CLASP2: variants seen among roughly 807,000 people sequenced by gnomAD.
CLASP2 encodes CLIP-associating protein 2.
Under a neutral mutation model 194.4 loss-of-function variants are expected in CLASP2, and 47 were observed. The ratio of observed to expected loss-of-function variants is 0.24; its 90% CI spans 0.19 to 0.31. The LOEUF (loss-of-function observed/expected upper bound fraction) is 0.31. CLASP2 is among the 10% of genes least tolerant of loss of function. The probability of loss-of-function intolerance (pLI) is 1.00; values close to 1 mark genes in which losing one functional copy is unlikely to be tolerated. For synonymous variants in CLASP2, 619 were observed against 633.5 expected (o/e 0.98, Z 0.34); for missense variants, 1,445 against 1,823.6 (o/e 0.79, Z 3.78).
intron 1 of CLASP2, among the ~76,000 whole-genome samples, chr3:33,716,559 T>C (rs2093311117): frequency 6.6e-6 from 1 of 152,250 alleles, no homozygotes; most frequent in South Asian, 2.1e-4. Context: ...GTCTATGCTG[T>C]AGCATAAAAT....
intron 33 of CLASP2, among the ~76,000 whole-genome samples, chr3:33,537,859 G>A (rs2057652651): frequency 6.6e-6 from 1 of 152,126 alleles, no homozygotes; most frequent in African/African-American, 2.4e-5. Flanking sequence ...GACTCAATGT[G>A]GGTCGGGCGC....
chr3:33,640,913 T>A (rs573818618), intron 8 of CLASP2, among the ~76,000 whole-genome samples: 1 of 152,102 alleles, frequency 6.6e-6, no homozygotes, highest in Admixed American at 6.5e-5. Context: ...GATTTATGGA[T>A]GCCGAAAATT....
intron 7 of CLASP2, chr3:33,645,580 T>C (rs2082133985): frequency 2.4e-6 from 1 of 421,804 alleles, no homozygotes; most frequent in Admixed American, 4.0e-5. Flanking sequence ...TAAAAAATTC[T>C]CTATTAGCTA....
At chr3:33,518,703 A>C (rs909163381) in intron 34 of CLASP2, among the ~76,000 whole-genome samples, 1 of 152,222 alleles carries the variant, frequency 6.6e-6, no homozygotes, top group Admixed American at 6.5e-5. Flanking sequence ...TCACAAGAAA[A>C]TGCTTTTCAC....
In CLASP2 at chr3:33,578,049, A is replaced by G. The variant is rs79006452; in HGVS notation, c.2348-1774T>C. ...GAAGCTAAAGCCTAGAGAGAGATTA[A>G]TTAATTTGATTATAGCCACACTACT... On this transcript the variant is annotated intron_variant, in intron 23 of 38. Coordinates refer to ENST00000682230, the MANE Select transcript of CLASP2 (RefSeq NM_001365631.1). 2.6e-4 allele frequency among the ~76,000 whole-genome samples: 39 copies of G among 152,334 alleles called. No individual in the cohort carries two copies. The East Asian group carries it at 5.8e-3, about 23-fold the overall frequency.
chr3:33,506,368 ACT>A (rs1342771025), intron 37 of CLASP2, among the ~76,000 whole-genome samples: 3 of 111,632 alleles, frequency 2.7e-5, no homozygotes, highest in Non-Finnish European at 3.5e-5. Flanking sequence ...ACAGAGTGAG[ACT>A]CTGTCTCGAA....
intron 34 of CLASP2, among the ~76,000 whole-genome samples, chr3:33,529,086 G>T (rs145565599): frequency 0.018 from 2,724 of 152,134 alleles, 77 homozygotes; most frequent in African/African-American, 0.062. Flanking sequence ...GCCATAAAAA[G>T]AATAAAATAC....
chr3:33,653,359 C>T (rs2083553503), intron 7 of CLASP2, among the ~76,000 whole-genome samples: 1 of 151,636 alleles, frequency 6.6e-6, no homozygotes, highest in African/African-American at 2.4e-5. Flanking sequence ...CCACACAACA[C>T]AATAAAAAAA....
intron 6 of CLASP2, among the ~76,000 whole-genome samples, chr3:33,679,853 C>A (rs142904070): frequency 1.3e-5 from 2 of 152,298 alleles, no homozygotes; most frequent in African/African-American, 4.8e-5. Context: ...CATACTCTTA[C>A]CATGCAACAC....
At chr3:33,704,755 A>AAT (rs1000566780) in intron 1 of CLASP2, among the ~76,000 whole-genome samples, 7 of 151,890 alleles carry the variant, frequency 4.6e-5, no homozygotes, top group East Asian at 1.9e-4. Context: ...GCAGTCTAAA[A>AAT]ATATATATAT....
intron 1 of CLASP2, among the ~76,000 whole-genome samples, chr3:33,713,491 CTT>C (rs1469211877): frequency 6.6e-6 from 1 of 152,082 alleles, no homozygotes; most frequent in African/African-American, 2.4e-5. Flanking sequence ...AACCTCATCT[CTT>C]TTGGCAAACT....
chr3:33,515,603 CA>C (rs1371530909), intron 36 of CLASP2, among the ~76,000 whole-genome samples: 3 of 152,080 alleles, frequency 2.0e-5, no homozygotes, highest in Non-Finnish European at 4.4e-5. Context: ...GAGCTGTGAT[CA>C]CACCACTGCA....
chr3:33,657,057 C>T (rs1039478829), intron 7 of CLASP2, among the ~76,000 whole-genome samples: 2 of 151,972 alleles, frequency 1.3e-5, no homozygotes, highest in African/African-American at 4.8e-5. Context: ...TTTGCTTTAC[C>T]TTCATTGTTT....
At chr3:33,504,669 T>G (rs918717417) in intron 37 of CLASP2, 2 of 152,214 alleles carry the variant, frequency 1.3e-5, no homozygotes, top group African/African-American at 4.8e-5. Context: ...TTTCCACGGA[T>G]GGGGAAGGGT....
chr3:33,641,246 A>T (rs770250983), intron 8 of CLASP2, among the ~76,000 whole-genome samples: 6 of 152,002 alleles, frequency 3.9e-5, no homozygotes, highest in Non-Finnish European at 7.4e-5. Context: ...TAAAGATATA[A>T]ATATTTTAAA....
chr3:33,529,285 C>G (rs555662153), intron 34 of CLASP2, among the ~76,000 whole-genome samples: 1 of 152,292 alleles, frequency 6.6e-6, no homozygotes, highest in South Asian at 2.1e-4. Flanking sequence ...TCCTATCAAA[C>G]TACCAACGAC....
rs866716960 is a variant in CLASP2 at position 33,571,074 on chromosome 3, C to T, written c.2700-284G>A. Among the ~76,000 whole-genome samples the T allele has an allele frequency of 1.9e-3, 273 of 145,652 alleles. 2 individuals carry two copies. The highest frequency in any genetic ancestry group is 6.2e-3 in the African/African-American group (246 of 39,398). On this transcript the variant is annotated intron_variant, in intron 25 of 38. Coordinates refer to ENST00000682230, the MANE Select transcript of CLASP2 (RefSeq NM_001365631.1). ...TGTCGCCCAGGCTGGAGTGCAGTGGCGCGATCTCGGCTCACTGCAGGCTCC... is the reference window on the plus strand; with the variant it reads ...TGTCGCCCAGGCTGGAGTGCAGTGGTGCGATCTCGGCTCACTGCAGGCTCC...
At chr3:33,623,279 C>T (rs911427720) in intron 10 of CLASP2, among the ~76,000 whole-genome samples, 3 of 152,106 alleles carry the variant, frequency 2.0e-5, no homozygotes, top group Non-Finnish European at 4.4e-5. Flanking sequence ...CATTCCAATT[C>T]CACTCTTTTA....
intron 31 of CLASP2, 149 bp from the exon 32 acceptor site, chr3:33,543,688 G>A: frequency 1.8e-6 from 1 of 551,488 alleles, no homozygotes; most frequent in Non-Finnish European, 3.2e-6. Context: ...ACTTACGTCT[G>A]GTTTCCAGGG....
Sources: gnomAD v4.1 joint callset for allele counts (sites outside exome capture counted in the v4.1 genomes callset) on GRCh38, gnomAD v4.1.1 for gene constraint, MANE v1.5 for transcripts, NCBI Gene and HGNC (gene_info 2026-07-23, HGNC 2026-07-21) for gene names.